ATRNL1: variants seen among roughly 807,000 people sequenced by gnomAD.
ATRNL1 encodes the protein attractin-like protein 1.
Under a neutral mutation model 182.7 loss-of-function variants are expected in ATRNL1, and 95 were observed. The ratio of observed to expected loss-of-function variants is 0.52; its 90% CI spans 0.44 to 0.62. The LOEUF is 0.62. ATRNL1 is among the 20% of genes least tolerant of loss of function. The pLI is 0.00. For synonymous variants in ATRNL1, 576 were observed against 568.3 expected (o/e 1.01, Z -0.19); for missense variants, 1,471 against 1,679.5 (o/e 0.88, Z 2.17).
intron 26 of ATRNL1, among the ~76,000 whole-genome samples, chr10:115,726,267 T>G (rs1448305638): frequency 1.3e-5 from 2 of 152,200 alleles, no homozygotes; most frequent in Non-Finnish European, 2.9e-5. Context: ...TGACAGAGAA[T>G]CTTTAAAAAT....
chr10:115,868,987 G>A (rs1951511678), intron 28 of ATRNL1, among the ~76,000 whole-genome samples: 1 of 151,620 alleles, frequency 6.6e-6, no homozygotes, highest in Non-Finnish European at 1.5e-5. Flanking sequence ...CCGCCACCAC[G>A]CCCGGCTAAT....
At chr10:115,438,550 A>G (rs1846514919) in intron 21 of ATRNL1, among the ~76,000 whole-genome samples, 1 of 152,008 alleles carries the variant, frequency 6.6e-6, no homozygotes, top group South Asian at 2.1e-4. Context: ...ATACGTTAAA[A>G]GCCTTTTCTC....
chr10:115,483,222 G>T (rs1441332911), intron 24 of ATRNL1, among the ~76,000 whole-genome samples: 1 of 151,338 alleles, frequency 6.6e-6, no homozygotes. Flanking sequence ...TATTTCATAT[G>T]CCTTCATAAA....
chr10:115,126,252 G>A (rs1844970987), intron 3 of ATRNL1, among the ~76,000 whole-genome samples: 1 of 152,112 alleles, frequency 6.6e-6, no homozygotes, highest in Admixed American at 6.6e-5. Flanking sequence ...TAGAAATGGG[G>A]TTTCACTGTG....
chr10:115,481,513 T>A (rs1848767982), intron 24 of ATRNL1, among the ~76,000 whole-genome samples: 2 of 150,864 alleles, frequency 1.3e-5, no homozygotes, highest in Admixed American at 1.3e-4. Flanking sequence ...TAAATTTTTA[T>A]AAATGAACAA....
rs1554929428 is a variant in ATRNL1 at position 115,315,698 on chromosome 10, A to G, written c.2999A>G (p.Lys1000Arg). Residue 1000 changes from lysine (K) to arginine (R), a missense_variant, in exon 18 of 29, where the codon AAA becomes AGA. Physicochemically the swap from Lys to Arg is conservative, Grantham distance 26. Transcript: ENST00000355044. The part of the protein sequence containing the change: ...EMVLDTNLCP[K>R]EKNYEWSFIQ... ...GTTCTTGACACCAATCTTTGCCCCA[A>G]AGAAAAGAACTATGAGTGGTCCTTT... 6.2e-7 allele frequency: 1 copy of G among 1,613,614 alleles called. No individual in the cohort carries two copies. The highest frequency in any genetic ancestry group is 1.3e-5 in the African/African-American group (1 of 74,908).
intron 7 of ATRNL1, among the ~76,000 whole-genome samples, chr10:115,170,031 G>A (rs1440544567): frequency 6.6e-6 from 1 of 151,986 alleles, no homozygotes; most frequent in Non-Finnish European, 1.5e-5. Context: ...AGCTCTAAGT[G>A]CTTTTTAAAA....
intron 27 of ATRNL1, among the ~76,000 whole-genome samples, chr10:115,843,587 A>G (rs759682948): frequency 1.3e-5 from 2 of 152,052 alleles, no homozygotes; most frequent in Non-Finnish European, 2.9e-5. Flanking sequence ...GAAGGCACAG[A>G]TGATTCTGAA....
At chr10:115,136,517 T>C (rs1845521011) in intron 5 of ATRNL1, among the ~76,000 whole-genome samples, 1 of 152,226 alleles carries the variant, frequency 6.6e-6, no homozygotes, top group Non-Finnish European at 1.5e-5. Flanking sequence ...TTTGGACAAA[T>C]GTATCATTAC....
chr10:115,326,958 T>C (rs1854925933), intron 18 of ATRNL1, among the ~76,000 whole-genome samples: 1 of 152,174 alleles, frequency 6.6e-6, no homozygotes, highest in Admixed American at 6.5e-5. Context: ...GACTTAAACA[T>C]TAGGCCTAAA....
chr10:115,472,900 G>A (rs1387424413), intron 24 of ATRNL1, among the ~76,000 whole-genome samples: 2 of 150,968 alleles, frequency 1.3e-5, no homozygotes, highest in East Asian at 3.9e-4. Flanking sequence ...GTGAAACTGG[G>A]CATTTTTGTT....
chr10:115,138,769 G>A (rs1198253253), intron 5 of ATRNL1, among the ~76,000 whole-genome samples: 2 of 152,198 alleles, frequency 1.3e-5, no homozygotes, highest in Non-Finnish European at 2.9e-5. Context: ...TTTCCCCATT[G>A]TCTTGGTGAT....
intron 26 of ATRNL1, among the ~76,000 whole-genome samples, chr10:115,579,752 T>C (rs1269822457): frequency 1.3e-5 from 2 of 152,018 alleles, no homozygotes; most frequent in Non-Finnish European, 2.9e-5. Context: ...TGAGTTACTA[T>C]TGCCATTTTG....
intron 10 of ATRNL1, among the ~76,000 whole-genome samples, chr10:115,246,882 C>G (rs1262800774): frequency 6.6e-6 from 1 of 152,084 alleles, no homozygotes; most frequent in Non-Finnish European, 1.5e-5. Flanking sequence ...CTTAACAAGT[C>G]TGTATCCATT....
intron 27 of ATRNL1, among the ~76,000 whole-genome samples, chr10:115,829,162 T>A (rs183723858): frequency 2.6e-4 from 39 of 152,100 alleles, no homozygotes; most frequent in Admixed American, 2.5e-3. Context: ...CCACATAGCA[T>A]TTGAGGGAAA....
chr10:115,139,100 T>A (rs1432845813), intron 5 of ATRNL1, among the ~76,000 whole-genome samples: 1 of 152,164 alleles, frequency 6.6e-6, no homozygotes, highest in African/African-American at 2.4e-5. Flanking sequence ...TCCCAACAAG[T>A]TCCTCCTCAT....
intron 28 of ATRNL1, among the ~76,000 whole-genome samples, chr10:115,896,460 A>C (rs1952211925): frequency 6.6e-6 from 1 of 152,198 alleles, no homozygotes; most frequent in Non-Finnish European, 1.5e-5. Context: ...TAGCGCAGTA[A>C]AAGGATGCCT....
At chr10:115,684,600 A>T (rs2133958171) in intron 26 of ATRNL1, among the ~76,000 whole-genome samples, 1 of 151,750 alleles carries the variant, frequency 6.6e-6, no homozygotes, top group African/African-American at 2.4e-5. Context: ...ATTTAAAATA[A>T]ATATGAGCTT....
intron 26 of ATRNL1, among the ~76,000 whole-genome samples, chr10:115,558,888 A>T (rs7476255): frequency 0.18 from 27,165 of 152,014 alleles, 3,053 homozygotes; most frequent in Non-Finnish European, 0.25. Flanking sequence ...GCTCACTGTG[A>T]CTAGCACTTC....
Sources: gnomAD v4.1 joint callset for allele counts (sites outside exome capture counted in the v4.1 genomes callset) on GRCh38, gnomAD v4.1.1 for gene constraint, MANE v1.5 for transcripts, NCBI Gene and HGNC (gene_info 2026-07-23, HGNC 2026-07-21) for gene names.